TUNAR: variants seen among roughly 807,000 people sequenced by gnomAD.
TUNAR encodes protein TUNAR.
chr14:95,921,532 T>C (rs1477262326), intron 2 of TUNAR, among the ~76,000 whole-genome samples: 1 of 152,210 alleles, frequency 6.6e-6, no homozygotes, highest in African/African-American at 2.4e-5. Flanking sequence ...TAAAAAGTTA[T>C]TTTGATTATT....
intron 2 of TUNAR, among the ~76,000 whole-genome samples, chr14:95,891,586 A>G (rs908303253): frequency 6.6e-6 from 1 of 152,184 alleles, no homozygotes; most frequent in African/African-American, 2.4e-5. Flanking sequence ...CAGGAATTGG[A>G]CCAGAGTCTC....
At chr14:95,902,084 T>G (rs1889363364) in intron 2 of TUNAR, among the ~76,000 whole-genome samples, 1 of 152,168 alleles carries the variant, frequency 6.6e-6, no homozygotes, top group African/African-American at 2.4e-5. Context: ...ATCACAATCC[T>G]TTAGTTGTGA....
At chr14:95,906,224 G>T (rs925562757) in intron 2 of TUNAR, among the ~76,000 whole-genome samples, 13 of 152,050 alleles carry the variant, frequency 8.5e-5, no homozygotes, top group African/African-American at 2.9e-4. Context: ...TTGCCACTGA[G>T]CTGTCATTGC....
At chr14:95,877,615 ACAAGGT>A (rs960709432) in intron 2 of TUNAR, among the ~76,000 whole-genome samples, 8 of 152,202 alleles carry the variant, frequency 5.3e-5, no homozygotes, top group Admixed American at 3.3e-4. Context: ...AATCAAGGTC[ACAAGGT>A]TAGGAAGTGG....
At chr14:95,899,659 T>G (rs1169408082) in intron 2 of TUNAR, among the ~76,000 whole-genome samples, 1 of 152,078 alleles carries the variant, frequency 6.6e-6, no homozygotes, top group African/African-American at 2.4e-5. Flanking sequence ...ACTCGGTGGT[T>G]TGCAGATGAC....
At position 95,922,593 on chromosome 14, in the gene TUNAR, A is replaced by G. The variant is rs115473753; in HGVS notation, c.13-188A>G. Among the ~76,000 whole-genome samples, 628 of 152,226 alleles carry G rather than the reference A, an allele frequency of 4.1e-3. 1 individual carries two copies. The highest frequency in any genetic ancestry group is 0.013 in the African/African-American group (544 of 41,536). On this transcript the variant is annotated intron_variant, in intron 2 of 2. Transcript: ENST00000678517. ...GTCAGGACACTCATCTTCTAAACCA[A>G]TTAGCCGTGTTCTGCCTTTTTCCCA...
intron 2 of TUNAR, among the ~76,000 whole-genome samples, chr14:95,877,417 C>T (rs1040301494): frequency 6.6e-6 from 1 of 152,224 alleles, no homozygotes; most frequent in African/African-American, 2.4e-5. Flanking sequence ...GGCGGGAGAC[C>T]TGTCTGGTCT....
At chr14:95,905,090 G>A (rs1889409374) in intron 2 of TUNAR, among the ~76,000 whole-genome samples, 1 of 152,204 alleles carries the variant, frequency 6.6e-6, no homozygotes. Flanking sequence ...CTAAGTGTTT[G>A]TGAAATCATT....
In TUNAR at chr14:95,921,099, G is replaced by A. The variant is rs145345551; in HGVS notation, c.13-1682G>A. Among the ~76,000 whole-genome samples the A allele has an allele frequency of 7.5e-3, 1,136 of 152,274 alleles. 9 individuals are homozygous for A. Among genetic ancestry groups the A allele is most frequent in the Non-Finnish European group, 0.011 (757 of 68,026 alleles). ...GCAGGCAGGCAGGAGGAATTTGGGG[G>A]AATGTCAGCCTTTTTGTTTCATTCG... is the stretch of plus-strand genomic sequence containing the variant. On this transcript the variant is annotated intron_variant, in intron 2 of 2. Coordinates refer to ENST00000678517, the Ensembl canonical transcript of TUNAR.
intron 2 of TUNAR, among the ~76,000 whole-genome samples, chr14:95,878,276 C>T (rs542841579): frequency 1.0e-3 from 159 of 152,088 alleles, no homozygotes; most frequent in African/African-American, 3.6e-3. Context: ...TAGCTGTTTG[C>T]TTAAGTGCAT....
chr14:95,889,852 A>G (rs970965921), intron 2 of TUNAR, among the ~76,000 whole-genome samples: 3 of 151,190 alleles, frequency 2.0e-5, no homozygotes, highest in African/African-American at 4.9e-5. Context: ...CAGCCCATCC[A>G]TCCGTGAATC....
At chr14:95,910,043 T>C (rs1475406360) in intron 2 of TUNAR, among the ~76,000 whole-genome samples, 1 of 152,192 alleles carries the variant, frequency 6.6e-6, no homozygotes, top group Non-Finnish European at 1.5e-5. Context: ...TCATGTTGGC[T>C]GCGTGATTTA....
In TUNAR at chr14:95,884,684, G is replaced by T. The variant is rs139607159; in HGVS notation, c.12+7507G>T. ...TATAGACTGCAACCCTCTTGGGCTG[G>T]ACTATTAACTCAGCCACTTTTGATC... is the stretch of plus-strand genomic sequence containing the variant. On this transcript the variant is annotated intron_variant, in intron 2 of 2. Transcript: ENST00000678517. Among the ~76,000 whole-genome samples the T allele has an allele frequency of 9.9e-5, 15 of 152,216 alleles. No homozygotes were observed. The East Asian group carries it at 2.7e-3, about 27-fold the overall frequency.
chr14:95,877,904 TTC>T (rs1785301727), intron 2 of TUNAR, among the ~76,000 whole-genome samples: 1 of 152,262 alleles, frequency 6.6e-6, no homozygotes, highest in Non-Finnish European at 1.5e-5. Flanking sequence ...TTCCTAGGTG[TTC>T]TCTTTCCTGG....
intron 2 of TUNAR, among the ~76,000 whole-genome samples, chr14:95,882,061 TAGAC>T (rs1205136673): frequency 1.3e-5 from 2 of 152,084 alleles, no homozygotes; most frequent in Non-Finnish European, 2.9e-5. Context: ...TGAGAAAAAT[TAGAC>T]AGAATGAGTT....
intron 2 of TUNAR, among the ~76,000 whole-genome samples, chr14:95,904,237 G>A (rs916340164): frequency 6.6e-6 from 1 of 152,190 alleles, no homozygotes; most frequent in Non-Finnish European, 1.5e-5. Context: ...GGCTCCTGTG[G>A]GGGGGCCTGG....
intron 2 of TUNAR, among the ~76,000 whole-genome samples, chr14:95,898,521 C>T (rs780354574): frequency 4.6e-5 from 7 of 152,354 alleles, no homozygotes; most frequent in South Asian, 2.1e-4. Context: ...GCTCTAAAAT[C>T]TTCCAGAAAG....
chr14:95,915,406 G>A (rs1343736873), intron 2 of TUNAR, among the ~76,000 whole-genome samples: 2 of 152,310 alleles, frequency 1.3e-5, no homozygotes, highest in East Asian at 3.9e-4. Context: ...GCTAGGATGA[G>A]TCAGTGTTTA....
intron 2 of TUNAR, among the ~76,000 whole-genome samples, chr14:95,885,395 T>A (rs1054942831): frequency 1.3e-5 from 2 of 152,162 alleles, no homozygotes; most frequent in Admixed American, 1.3e-4. Flanking sequence ...TAACTACCTG[T>A]AGCTAATTAG....
Sources: gnomAD v4.1 joint callset for allele counts (sites outside exome capture counted in the v4.1 genomes callset) on GRCh38, gnomAD v4.1.1 for gene constraint, MANE v1.5 for transcripts, NCBI Gene and HGNC (gene_info 2026-07-23, HGNC 2026-07-21) for gene names.